Variants in GPR63 observed in about 807,000 individuals in gnomAD.
GPR63 encodes G protein-coupled receptor 63, also known as probable G protein-coupled receptor 63.
A neutral mutation model predicts 23.1 loss-of-function variants in GPR63; 12 were observed. The ratio of observed to expected loss-of-function variants is 0.52; its 90% CI spans 0.33 to 0.84. The LOEUF is 0.84. Ranked by LOEUF, GPR63 falls within the 40% of genes least tolerant of loss-of-function variation. The pLI is 0.02. For missense variants in GPR63, 472 were observed against 515.6 expected (o/e 0.92, Z 0.82); for synonymous variants, 172 against 191.1 (o/e 0.90, Z 0.82).
chr6:96,799,196 C>T lies in GPR63; in HGVS notation c.536G>A (p.Arg179Lys). The change falls in exon 2 of 2, where the codon AGG (arginine) becomes AAG (lysine). Residue 179 changes from arginine (R) to lysine (K), a missense_variant. By Grantham distance (26) the Arg-to-Lys change is conservative. Transcript: ENST00000229955. The stretch of plus-strand genomic sequence containing the variant: ...CTGCCTCTGGACTATAATAAGGAAC[C>T]TATCTATGCTAATGATGAGCAGGAT... The part of the protein sequence containing the change: ...VAILLIISID[R>K]FLIIVQRQDK... The T allele has an allele frequency of 5.6e-6, 9 of 1,614,118 alleles. No individual in the cohort carries two copies. The highest frequency in any genetic ancestry group is 1.1e-5 in the South Asian group (1 of 91,072).
At chr6:96,821,942 T>C (rs571010816) in intron 1 of GPR63, among the ~76,000 whole-genome samples, 1 of 151,870 alleles carries the variant, frequency 6.6e-6, no homozygotes, top group Non-Finnish European at 1.5e-5. Context: ...TTTCCAAGGA[T>C]ATAATAGAAA....
intron 1 of GPR63, among the ~76,000 whole-genome samples, chr6:96,800,924 T>A (rs544089476): frequency 6.6e-6 from 1 of 152,214 alleles, no homozygotes; most frequent in Non-Finnish European, 1.5e-5. Context: ...AAGTTTCTTA[T>A]CACCTTTCTC....
At chr6:96,819,589 G>C (rs1163314721) in intron 1 of GPR63, among the ~76,000 whole-genome samples, 1 of 151,792 alleles carries the variant, frequency 6.6e-6, no homozygotes. Context: ...AACCTAAATG[G>C]GGGTTGATAG....
chr6:96,813,873 AG>A (rs1453338367), intron 1 of GPR63, among the ~76,000 whole-genome samples: 1 of 152,194 alleles, frequency 6.6e-6, no homozygotes, highest in Non-Finnish European at 1.5e-5. Context: ...TATTAACATA[AG>A]GGTGAGCCAT....
chr6:96,801,035 T>A lies in GPR63; in HGVS notation c.-150-1154A>T, dbSNP rs566238646. On this transcript the variant is annotated intron_variant, in intron 1 of 1. Coordinates refer to ENST00000229955, the MANE Select transcript of GPR63 (RefSeq NM_030784.4). Reference sequence around the variant, plus strand: ...GTCTTACACATTTTGTGGTATGGGTTTTTCCTTCCGTAGGTCTTTACTGGA... The same window carrying A: ...GTCTTACACATTTTGTGGTATGGGTATTTCCTTCCGTAGGTCTTTACTGGA... 5.3e-5 allele frequency among the ~76,000 whole-genome samples: 8 copies of A among 152,278 alleles called. No homozygotes were observed. The East Asian group carries it at 1.5e-3, about 29-fold the overall frequency.
intron 1 of GPR63, among the ~76,000 whole-genome samples, chr6:96,819,022 T>C (rs989333782): frequency 4.2e-5 from 6 of 144,410 alleles, no homozygotes; most frequent in Admixed American, 3.4e-4. Flanking sequence ...AAACAACAGA[T>C]GGATGCTGGA....
chr6:96,832,064 A>T (rs1684029972), intron 1 of GPR63, among the ~76,000 whole-genome samples: 1 of 152,126 alleles, frequency 6.6e-6, no homozygotes. Context: ...AGATCATTCC[A>T]TGACAAGGGA....
rs139409983 is a variant in GPR63 at position 96,798,628 on chromosome 6, C to A, written c.1104G>T (p.Pro368=). 11 of 1,614,018 alleles carry A rather than the reference C, an allele frequency of 6.8e-6. No individual in the cohort carries two copies. The East Asian group carries it at 2.4e-4, about 36-fold the overall frequency. ...TCTTAATCCTCCAGTAGTAGATCAGCGGATTCAATGCAGACTTGAGGTAGC... is the reference window on the plus strand; with the variant it reads ...TCTTAATCCTCCAGTAGTAGATCAGAGGATTCAATGCAGACTTGAGGTAGC... ...WLCYLKSALN[P]LIYYWRIKKF... Residue 368 remains proline (P), a synonymous_variant, in exon 2 of 2, where the codon CCG becomes CCT. Coordinates refer to ENST00000229955, the MANE Select transcript of GPR63 (RefSeq NM_030784.4).
chr6:96,819,860 C>G (rs1774261283), intron 1 of GPR63, among the ~76,000 whole-genome samples: 1 of 151,042 alleles, frequency 6.6e-6, no homozygotes, highest in African/African-American at 2.4e-5. Context: ...CCTGTAGTCC[C>G]AGCTGCTCTG....
intron 1 of GPR63, among the ~76,000 whole-genome samples, chr6:96,829,629 G>A (rs1305910161): frequency 6.6e-6 from 1 of 152,118 alleles, no homozygotes; most frequent in African/African-American, 2.4e-5. Flanking sequence ...AAGCCCAGGA[G>A]GTCAAGGCTA....
chr6:96,832,543 G>T (rs1321806119), intron 1 of GPR63, among the ~76,000 whole-genome samples: 1 of 151,862 alleles, frequency 6.6e-6, no homozygotes, highest in East Asian at 1.9e-4. Context: ...AAAGTTCTGG[G>T]ATTACAGGCA....
At chr6:96,834,834 T>G (rs1005575894) in intron 1 of GPR63, among the ~76,000 whole-genome samples, 1 of 152,184 alleles carries the variant, frequency 6.6e-6, no homozygotes, top group African/African-American at 2.4e-5. Flanking sequence ...TTCCAAGCAT[T>G]AATGGGTCCC....
rs1414539611 is a variant in GPR63 at position 96,798,212 on chromosome 6, A to C, written c.*260T>G. ...CCCACTATGAAAACAAAATCAATCA[A>C]GGAAAAACCCCAAAACCAAAAAAAA... On this transcript the variant is annotated 3_prime_UTR_variant, in exon 2 of 2. Coordinates refer to ENST00000229955, the MANE Select transcript of GPR63 (RefSeq NM_030784.4). The C allele has an allele frequency of 2.6e-6, 1 of 382,124 alleles. No homozygotes were observed. Among genetic ancestry groups the C allele is most frequent in the Non-Finnish European group, 4.7e-6 (1 of 214,552 alleles). The allele number at this position is 382,124 out of a possible 1,614,324, so 23.7% of individuals were successfully genotyped here. A position where few individuals can be genotyped will look rare whatever the true frequency, so the allele number is the denominator to read the frequency against.
Position 96,799,170 on chromosome 6 carries a change from C to A in GPR63, c.562G>T (p.Asp188Tyr), listed in dbSNP as rs1335861119. The change falls in exon 2 of 2, where the codon GAT becomes TAT. Residue 188 changes from aspartate (D) to tyrosine (Y), a missense_variant. Physicochemically the swap from Asp to Tyr is radical, Grantham distance 160. Coordinates refer to ENST00000229955, the MANE Select transcript of GPR63 (RefSeq NM_030784.4). ...TTAGCTCTATATGGGTTTAGCTTAT[C>A]CTGCCTCTGGACTATAATAAGGAAC... is the stretch of plus-strand genomic sequence containing the variant. ...DRFLIIVQRQDKLNPYRAKVL... is the reference protein window; with the variant it reads ...DRFLIIVQRQYKLNPYRAKVL... The A allele has an allele frequency of 1.9e-6, 3 of 1,614,026 alleles. No homozygotes were observed. Among genetic ancestry groups the A allele is most frequent in the Non-Finnish European group, 2.5e-6 (3 of 1,180,042 alleles).
Position 96,794,906 on chromosome 6 carries a change from A to C in GPR63, c.*3566T>G, listed in dbSNP as rs754785108. The C allele has an allele frequency of 2.6e-5, 4 of 152,216 alleles. No individual in the cohort carries two copies. Among genetic ancestry groups the C allele is most frequent in the Non-Finnish European group, 5.9e-5 (4 of 68,036 alleles). 9.4% of individuals were successfully genotyped at this position (152,216 alleles called of 1,614,324 possible). A position where few individuals can be genotyped will look rare whatever the true frequency, so the allele number is the denominator to read the frequency against. ...AAACACAGGTGGCAGCAAATCAGGC[A>C]CAATGTTGTGTGGATTTTCCTCTCA... On this transcript the variant is annotated 3_prime_UTR_variant, in exon 2 of 2. Coordinates refer to ENST00000229955, the MANE Select transcript of GPR63 (RefSeq NM_030784.4).
At chr6:96,830,383 C>T (rs1158753249) in intron 1 of GPR63, among the ~76,000 whole-genome samples, 2 of 152,148 alleles carry the variant, frequency 1.3e-5, no homozygotes, top group African/African-American at 4.8e-5. Context: ...ACCTGTTTAA[C>T]CTATCCATGC....
chr6:96,828,354 T>C lies in GPR63; in HGVS notation c.-151+8914A>G, dbSNP rs961342427. Reference sequence around the variant, plus strand: ...ATAGTCTTATTTAATCTTCATTACCTCCTTATAGGCCCTATCTCCAAATAT... The same window carrying C: ...ATAGTCTTATTTAATCTTCATTACCCCCTTATAGGCCCTATCTCCAAATAT... On this transcript the variant is annotated intron_variant, in intron 1 of 1. Transcript: ENST00000229955. 3.3e-5 allele frequency among the ~76,000 whole-genome samples: 5 copies of C among 152,090 alleles called. 1 individual carries two copies. In the South Asian group the frequency reaches 1.0e-3, roughly 32 times the overall value.
At chr6:96,808,675 G>C (rs1773962633) in intron 1 of GPR63, among the ~76,000 whole-genome samples, 2 of 152,174 alleles carry the variant, frequency 1.3e-5, no homozygotes. Flanking sequence ...CTGCAAAGCA[G>C]TCCTCATCAA....
Position 96,799,151 on chromosome 6 carries a change from C to T in GPR63, c.581G>A (p.Arg194Lys), listed in dbSNP as rs751472481. The change falls in exon 2 of 2, where the codon AGA becomes AAA. Residue 194 changes from arginine (R) to lysine (K), a missense_variant. By Grantham distance (26) the Arg-to-Lys change is conservative (BLOSUM62 2). Transcript: ENST00000229955. The stretch of plus-strand genomic sequence containing the variant: ...AGAAACTGCAATCAGAACCTTAGCT[C>T]TATATGGGTTTAGCTTATCCTGCCT... ...VQRQDKLNPY[R>K]AKVLIAVSWA... 5.0e-6 allele frequency: 8 copies of T among 1,613,968 alleles called. No individual in the cohort carries two copies. The highest frequency in any genetic ancestry group is 6.8e-6 in the Non-Finnish European group (8 of 1,180,032).
Sources: allele counts gnomAD v4.1 joint callset (sites outside exome capture counted in the v4.1 genomes callset), GRCh38; gene constraint gnomAD v4.1.1; transcripts MANE v1.5; gene names NCBI Gene and HGNC (gene_info 2026-07-23, HGNC 2026-07-21).